PDGFC: variants seen among roughly 807,000 people sequenced by gnomAD.
PDGFC encodes platelet derived growth factor C, also known as platelet-derived growth factor C.
Under a neutral mutation model 35.5 loss-of-function variants are expected in PDGFC, and 12 were observed. That is an observed-to-expected ratio of 0.34 (90% CI 0.22 to 0.55). The LOEUF (loss-of-function observed/expected upper bound fraction) is 0.55, where lower values mean the gene tolerates loss of function less well. Among genes scored for constraint, PDGFC ranks in the 20% least tolerant of loss-of-function variants. PDGFC has a pLI of 0.91. For synonymous variants in PDGFC, 159 were observed against 148.8 expected (o/e 1.07, Z -0.50); for missense variants, 322 against 412.4 (o/e 0.78, Z 1.90).
intron 2 of PDGFC, among the ~76,000 whole-genome samples, chr4:156,839,371 C>CCCCCTTT (rs1729143675): frequency 6.6e-6 from 1 of 152,142 alleles, no homozygotes; most frequent in East Asian, 1.9e-4. Flanking sequence ...TCCCCTTTTG[C>CCCCCTTT]TAGGCACTTC....
chr4:156,897,220 G>C (rs969971113), intron 1 of PDGFC, among the ~76,000 whole-genome samples: 2 of 152,020 alleles, frequency 1.3e-5, no homozygotes, highest in Admixed American at 1.3e-4. Flanking sequence ...CACTTTTTTA[G>C]TAATTTTAAA....
intron 3 of PDGFC, among the ~76,000 whole-genome samples, chr4:156,784,956 A>T (rs1379275996): frequency 1.3e-5 from 2 of 152,274 alleles, no homozygotes; most frequent in African/African-American, 4.8e-5. Flanking sequence ...AAAATTAAAA[A>T]TAAAATTTAA....
chr4:156,939,139 A>C (rs922868127), intron 1 of PDGFC, among the ~76,000 whole-genome samples: 1 of 152,070 alleles, frequency 6.6e-6, no homozygotes, highest in Non-Finnish European at 1.5e-5. Flanking sequence ...ATTATTAATT[A>C]ACTAAAGAAC....
intron 1 of PDGFC, among the ~76,000 whole-genome samples, chr4:156,951,681 C>T (rs1268822893): frequency 1.3e-5 from 2 of 150,932 alleles, no homozygotes; most frequent in Non-Finnish European, 3.0e-5. Context: ...AGAGAAAGGT[C>T]CTTCTTAATT....
intron 2 of PDGFC, among the ~76,000 whole-genome samples, chr4:156,836,434 A>C (rs534843844): frequency 6.6e-6 from 1 of 152,310 alleles, no homozygotes; most frequent in African/African-American, 2.4e-5. Context: ...TTAATCTAAT[A>C]ACTTTCTCCT....
At chr4:156,904,740 AG>A (rs1730873644) in intron 1 of PDGFC, among the ~76,000 whole-genome samples, 1 of 152,066 alleles carries the variant, frequency 6.6e-6, no homozygotes, top group Non-Finnish European at 1.5e-5. Context: ...ACCTGCCAAC[AG>A]GTGCATTTAG....
intron 1 of PDGFC, among the ~76,000 whole-genome samples, chr4:156,857,000 T>C (rs1347456974): frequency 6.6e-6 from 1 of 152,018 alleles, no homozygotes; most frequent in Admixed American, 6.6e-5. Flanking sequence ...TTGTAGTCAT[T>C]ATTTTATCTA....
At chr4:156,895,997 TTAAG>T (rs905443541) in intron 1 of PDGFC, among the ~76,000 whole-genome samples, 4 of 151,918 alleles carry the variant, frequency 2.6e-5, no homozygotes, top group East Asian at 1.9e-4. Flanking sequence ...TCCAAAAAAA[TTAAG>T]TAAGACTGGA....
At chr4:156,806,095 C>T (rs1220255036) in intron 3 of PDGFC, among the ~76,000 whole-genome samples, 2 of 152,006 alleles carry the variant, frequency 1.3e-5, no homozygotes, top group Non-Finnish European at 2.9e-5. Flanking sequence ...CAAGAATAAA[C>T]AAGATTCACT....
Position 156,882,705 on chromosome 4 carries a change from T to C in PDGFC, c.119-32289A>G, listed in dbSNP as rs578022553. On this transcript the variant is annotated intron_variant, in intron 1 of 5. Coordinates refer to ENST00000502773, the MANE Select transcript of PDGFC (RefSeq NM_016205.3). Reference sequence around the variant, plus strand: ...GTGACAGTAAATTCTGAAATATATTTCTCTAAAACAATTTTAAGCACAAGT... The same window carrying C: ...GTGACAGTAAATTCTGAAATATATTCCTCTAAAACAATTTTAAGCACAAGT... 7.7e-4 allele frequency among the ~76,000 whole-genome samples: 118 copies of C among 152,312 alleles called. No individual in the cohort carries two copies. The Middle Eastern group carries it at 0.01, about 13-fold the overall frequency.
intron 3 of PDGFC, among the ~76,000 whole-genome samples, chr4:156,782,919 G>A (rs748954157): frequency 1.1e-4 from 16 of 152,264 alleles, no homozygotes; most frequent in African/African-American, 3.6e-4. Context: ...TAGCCATTGT[G>A]AGGTTCGTAT....
intron 1 of PDGFC, among the ~76,000 whole-genome samples, chr4:156,925,633 T>A (rs1731390626): frequency 6.6e-6 from 1 of 151,722 alleles, no homozygotes; most frequent in Non-Finnish European, 1.5e-5. Flanking sequence ...AGGTTTGGAA[T>A]TAGAGAGAAA....
intron 3 of PDGFC, among the ~76,000 whole-genome samples, chr4:156,798,084 C>T (rs543218740): frequency 5.3e-5 from 8 of 152,054 alleles, no homozygotes; most frequent in African/African-American, 1.9e-4. Flanking sequence ...CCCGGCTACT[C>T]GGGAGGCTGA....
At chr4:156,937,340 A>G (rs1328105948) in intron 1 of PDGFC, among the ~76,000 whole-genome samples, 2 of 152,186 alleles carry the variant, frequency 1.3e-5, no homozygotes, top group East Asian at 1.9e-4. Context: ...AATATGAGGT[A>G]TTTCTTCTGG....
At chr4:156,958,376 C>T (rs954020001) in intron 1 of PDGFC, among the ~76,000 whole-genome samples, 2 of 151,384 alleles carry the variant, frequency 1.3e-5, no homozygotes, top group Non-Finnish European at 2.9e-5. Context: ...CTATAATATC[C>T]ACCATTGTCT....
At chr4:156,863,136 A>G (rs1729757406) in intron 1 of PDGFC, among the ~76,000 whole-genome samples, 1 of 152,216 alleles carries the variant, frequency 6.6e-6, no homozygotes, top group South Asian at 2.1e-4. Flanking sequence ...TAGTTGTCAC[A>G]ATAAATAAGG....
chr4:156,935,635 A>G lies in PDGFC; in HGVS notation c.118+35151T>C, dbSNP rs115831749. Among the ~76,000 whole-genome samples, 821 of 152,326 alleles carry G rather than the reference A, an allele frequency of 5.4e-3. 8 individuals carry two copies. The highest frequency in any genetic ancestry group is 0.019 in the African/African-American group (775 of 41,564). ...AAACATGGTTATGCAGCACATGACT[A>G]TATATTAAATAAGATGTCTTTATAC... On this transcript the variant is annotated intron_variant, in intron 1 of 5. Transcript: ENST00000502773.
intron 2 of PDGFC, among the ~76,000 whole-genome samples, chr4:156,820,169 A>C (rs1732209081): frequency 6.6e-6 from 1 of 152,228 alleles, no homozygotes; most frequent in Non-Finnish European, 1.5e-5. Context: ...GATGCCATGA[A>C]CACTGTTGAA....
chr4:156,763,927 T>A (rs779088608), intron 5 of PDGFC, among the ~76,000 whole-genome samples: 10 of 152,230 alleles, frequency 6.6e-5, no homozygotes, highest in Non-Finnish European at 1.0e-4. Flanking sequence ...TTGACACTTA[T>A]GCTACACATA....
Sources: allele counts gnomAD v4.1 joint callset (sites outside exome capture counted in the v4.1 genomes callset), GRCh38; gene constraint gnomAD v4.1.1; transcripts MANE v1.5; gene names NCBI Gene and HGNC (gene_info 2026-07-23, HGNC 2026-07-21).